The following CDH10 variants were observed in gnomAD, a reference collection of about 807,000 sequenced individuals.
The protein encoded by CDH10 is cadherin 10.
In CDH10, 30 loss-of-function variants were observed where a neutral mutation model predicts 73.1. The ratio of observed to expected loss-of-function variants is 0.41; its 90% CI spans 0.31 to 0.56. CDH10 has a LOEUF of 0.56. Ranked by LOEUF, CDH10 falls within the 20% of genes least tolerant of loss-of-function variation. CDH10 has a pLI of 0.27. For synonymous variants in CDH10, 345 were observed against 348.2 expected, an observed-to-expected ratio of 0.99 and a Z score of 0.10; for missense variants, 815 against 973.7, an observed-to-expected ratio of 0.84 and a Z score of 2.17.
At chr5:24,577,031 G>A (rs1745633018) in intron 2 of CDH10, among the ~76,000 whole-genome samples, 1 of 148,290 alleles carries the variant, frequency 6.7e-6, no homozygotes. Flanking sequence ...CAAACTGAGA[G>A]ATATTCTACA....
At chr5:24,605,131 A>C (rs2112128434) in intron 1 of CDH10, among the ~76,000 whole-genome samples, 1 of 152,310 alleles carries the variant, frequency 6.6e-6, no homozygotes, top group South Asian at 2.1e-4. Flanking sequence ...TCCGTATGGA[A>C]CAAAAATTTG....
chr5:24,629,247 T>A (rs1747620549), intron 1 of CDH10, among the ~76,000 whole-genome samples: 1 of 152,174 alleles, frequency 6.6e-6, no homozygotes, highest in African/African-American at 2.4e-5. Flanking sequence ...AAACTGATTT[T>A]AGATTCAGTT....
intron 9 of CDH10, 62 bp downstream of exon 9, chr5:24,498,335 GA>G: frequency 1.8e-6 from 2 of 1,126,884 alleles, no homozygotes; most frequent in Non-Finnish European, 2.6e-6. Flanking sequence ...TCAGGATTTT[GA>G]AAAGAAAATA....
intron 2 of CDH10, among the ~76,000 whole-genome samples, chr5:24,581,334 C>T (rs1216298618): frequency 6.6e-6 from 1 of 152,192 alleles, no homozygotes; most frequent in African/African-American, 2.4e-5. Context: ...TGGTCTCATT[C>T]ACTTCCTTCC....
intron 2 of CDH10, among the ~76,000 whole-genome samples, chr5:24,540,020 A>G (rs1433088632): frequency 6.6e-6 from 1 of 152,008 alleles, no homozygotes; most frequent in Admixed American, 6.6e-5. Context: ...GCATTCAATA[A>G]TTTTAATTGA....
intron 2 of CDH10, among the ~76,000 whole-genome samples, chr5:24,579,671 T>C (rs1386740286): frequency 6.6e-6 from 1 of 152,120 alleles, no homozygotes; most frequent in Non-Finnish European, 1.5e-5. Context: ...GTTGACACAT[T>C]CTCTTCTCCT....
chr5:24,598,009 T>C (rs143212315), intron 1 of CDH10, among the ~76,000 whole-genome samples: 89 of 152,074 alleles, frequency 5.9e-4, no homozygotes, highest in African/African-American at 1.7e-3. Flanking sequence ...TCCCTAGAGA[T>C]GGATAATTTT....
At chr5:24,617,756 C>T (rs1255436312) in intron 1 of CDH10, among the ~76,000 whole-genome samples, 1 of 152,170 alleles carries the variant, frequency 6.6e-6, no homozygotes, top group African/African-American at 2.4e-5. Context: ...CATATCCATG[C>T]TCCTTTGCTA....
chr5:24,529,743 AT>A, intron 5 of CDH10, among the ~76,000 whole-genome samples: 1 of 151,882 alleles, frequency 6.6e-6, no homozygotes, highest in South Asian at 2.1e-4. Context: ...GTTTGTAAGG[AT>A]TTTTTCTCCC....
chr5:24,613,512 T>C (rs1329570149), intron 1 of CDH10, among the ~76,000 whole-genome samples: 1 of 115,778 alleles, frequency 8.6e-6, no homozygotes, highest in African/African-American at 3.2e-5. Context: ...GCAAGCATCC[T>C]CTTTGCTGGG....
chr5:24,617,232 C>T (rs1300795154), intron 1 of CDH10, among the ~76,000 whole-genome samples: 5 of 152,072 alleles, frequency 3.3e-5, no homozygotes, highest in Non-Finnish European at 1.5e-5. Flanking sequence ...GCAATGCACC[C>T]CTCCTGCTTT....
At chr5:24,589,061 C>A (rs2112081242) in intron 2 of CDH10, among the ~76,000 whole-genome samples, 1 of 152,164 alleles carries the variant, frequency 6.6e-6, no homozygotes, top group Non-Finnish European at 1.5e-5. Flanking sequence ...TGCTGTTATT[C>A]TTATTATTTG....
At chr5:24,626,796 G>C (rs536253443) in intron 1 of CDH10, among the ~76,000 whole-genome samples, 2 of 144,850 alleles carry the variant, frequency 1.4e-5, no homozygotes, top group Non-Finnish European at 3.0e-5. Flanking sequence ...ATATATATGT[G>C]TGTGTGTGTG....
chr5:24,489,758 T>C (rs1741980974), intron 11 of CDH10, among the ~76,000 whole-genome samples: 1 of 152,130 alleles, frequency 6.6e-6, no homozygotes, highest in South Asian at 2.1e-4. Flanking sequence ...TGCTCATGAC[T>C]ATAAAATGAA....
intron 1 of CDH10, among the ~76,000 whole-genome samples, chr5:24,597,758 C>T (rs1242749461): frequency 6.6e-6 from 1 of 151,806 alleles, no homozygotes; most frequent in African/African-American, 2.4e-5. Flanking sequence ...TATAGGCAGC[C>T]AAGAACAGCA....
chr5:24,582,326 CAA>C (rs1431749394), intron 2 of CDH10, among the ~76,000 whole-genome samples: 1 of 152,032 alleles, frequency 6.6e-6, no homozygotes, highest in Non-Finnish European at 1.5e-5. Context: ...AGAAGAAAGA[CAA>C]AAGATTATCT....
In CDH10 at chr5:24,505,205, T is replaced by C. The variant is rs1215815456; in HGVS notation, c.1300A>G (p.Ile434Val). 4 of 1,612,718 alleles carry C rather than the reference T, an allele frequency of 2.5e-6. No homozygotes were observed. In the South Asian group the frequency reaches 4.4e-5, roughly 18 times the overall value. ...RHTDLDRIFNIHSGNGSLYTS... is the reference protein window; with the variant it reads ...RHTDLDRIFNVHSGNGSLYTS... ...TAAAGAGATCCATTTCCTGAATGAA[T>C]GTTAAAGATTCTGTCAAGGTCAGTA... Residue 434 changes from isoleucine to valine, a missense_variant, in exon 8 of 12, where the codon ATT becomes GTT. By Grantham distance (29) the Ile-to-Val change is conservative. Coordinates refer to ENST00000264463, the MANE Select transcript of CDH10 (RefSeq NM_006727.5).
At chr5:24,571,798 A>G (rs570869567) in intron 2 of CDH10, among the ~76,000 whole-genome samples, 69 of 152,146 alleles carry the variant, frequency 4.5e-4, no homozygotes, top group African/African-American at 1.6e-3. Flanking sequence ...GTGTTTGCCA[A>G]TTTCTGTGGT....
chr5:24,538,772 A>G (rs574835368), intron 2 of CDH10, among the ~76,000 whole-genome samples: 128 of 152,218 alleles, frequency 8.4e-4, no homozygotes, highest in African/African-American at 3.0e-3. Flanking sequence ...AGAATTCTGG[A>G]AATGGACAGG....
Sources: allele counts gnomAD v4.1 joint callset (sites outside exome capture counted in the v4.1 genomes callset), GRCh38; gene constraint gnomAD v4.1.1; transcripts MANE v1.5; gene names NCBI Gene and HGNC (gene_info 2026-07-23, HGNC 2026-07-21).